NCALD: variants seen among roughly 807,000 people sequenced by gnomAD.
The protein encoded by NCALD is neurocalcin-delta.
NCALD carries 10 observed loss-of-function variants against 18.6 expected under a neutral mutation model. The ratio of observed to expected loss-of-function variants is 0.54; its 90% CI spans 0.33 to 0.91. NCALD has a LOEUF of 0.91. Ranked by LOEUF, NCALD falls within the 40% of genes least tolerant of loss-of-function variation. The probability of loss-of-function intolerance (pLI) is 0.03; values close to 1 mark genes in which losing one functional copy is unlikely to be tolerated. For synonymous variants in NCALD, 88 were observed against 87.4 expected (o/e 1.01, Z -0.04); for missense variants, 184 against 247.6 (o/e 0.74, Z 1.72).
At chr8:102,034,707 T>C (rs777704704) in intron 1 of NCALD, among the ~76,000 whole-genome samples, 2 of 152,164 alleles carry the variant, frequency 1.3e-5, no homozygotes, top group Non-Finnish European at 1.5e-5. Flanking sequence ...GTGGCAGTGA[T>C]GACATCATGG....
intron 1 of NCALD, among the ~76,000 whole-genome samples, chr8:102,106,601 C>T (rs1469006626): frequency 1.3e-5 from 2 of 152,036 alleles, no homozygotes; most frequent in Non-Finnish European, 1.5e-5. Context: ...CTGCACTGAA[C>T]CTTCAGGGCT....
chr8:101,740,597 T>C (rs1468622849), intron 1 of NCALD, among the ~76,000 whole-genome samples: 1 of 152,230 alleles, frequency 6.6e-6, no homozygotes, highest in African/African-American at 2.4e-5. Context: ...AGCTATTTAC[T>C]ATCTGGTTAC....
At chr8:101,914,993 T>C (rs1333725712) in intron 3 of NCALD, among the ~76,000 whole-genome samples, 1 of 152,262 alleles carries the variant, frequency 6.6e-6, no homozygotes, top group South Asian at 2.1e-4. Flanking sequence ...ATTCTTAATT[T>C]ATTTTAATTT....
At chr8:102,104,064 A>T (rs1825371198) in intron 1 of NCALD, among the ~76,000 whole-genome samples, 1 of 152,208 alleles carries the variant, frequency 6.6e-6, no homozygotes, top group African/African-American at 2.4e-5. Context: ...GCTACTGAAC[A>T]TCTGAGGTCG....
At chr8:101,707,467 A>G (rs928070850) in intron 2 of NCALD, among the ~76,000 whole-genome samples, 4 of 152,132 alleles carry the variant, frequency 2.6e-5, no homozygotes, top group African/African-American at 9.7e-5. Flanking sequence ...TGCTGTATAG[A>G]TATGTATGCC....
At chr8:101,988,190 GA>G (rs1220338597) in intron 2 of NCALD, among the ~76,000 whole-genome samples, 24 of 134,278 alleles carry the variant, frequency 1.8e-4, no homozygotes, top group Middle Eastern at 4.3e-3. Flanking sequence ...GAAAAGAAAA[GA>G]AAAAAAAAAG....
chr8:101,807,062 A>G lies in NCALD; in HGVS notation c.-20+80079T>C, dbSNP rs569103623. On this transcript the variant is annotated intron_variant, in intron 4 of 6. Coordinates refer to the NCALD transcript ENST00000311028. ...CAAGAAGCCTATATCCAGCAAAACTATCTTTCAAAAATGAAGGCAAAAATA... is the reference window on the plus strand; with the variant it reads ...CAAGAAGCCTATATCCAGCAAAACTGTCTTTCAAAAATGAAGGCAAAAATA... Among the ~76,000 whole-genome samples, 5 of 152,258 alleles carry G rather than the reference A, an allele frequency of 3.3e-5. No individual in the cohort carries two copies. The East Asian group carries it at 7.7e-4, about 23-fold the overall frequency.
chr8:101,702,934 T>C (rs1265026263), intron 2 of NCALD, among the ~76,000 whole-genome samples: 1 of 152,218 alleles, frequency 6.6e-6, no homozygotes, highest in Admixed American at 6.5e-5. Context: ...AACATCACAA[T>C]GCACACGAAC....
intron 1 of NCALD, among the ~76,000 whole-genome samples, chr8:101,770,819 C>T (rs1372144961): frequency 2.6e-5 from 4 of 152,146 alleles, no homozygotes; most frequent in South Asian, 2.1e-4. Flanking sequence ...CATCTTTATG[C>T]GGGTTGAAGA....
intron 1 of NCALD, among the ~76,000 whole-genome samples, chr8:101,747,767 G>A (rs1221248663): frequency 2.0e-5 from 3 of 151,270 alleles, no homozygotes; most frequent in Non-Finnish European, 4.4e-5. Context: ...GCCCAGGCTG[G>A]AGTGCAATGG....
At chr8:101,835,496 A>G (rs1814375152) in intron 4 of NCALD, among the ~76,000 whole-genome samples, 1 of 152,204 alleles carries the variant, frequency 6.6e-6, no homozygotes, top group South Asian at 2.1e-4. Flanking sequence ...CACAACCAAG[A>G]ATTCTTCAGC....
chr8:101,904,578 T>C (rs77655770), intron 3 of NCALD, among the ~76,000 whole-genome samples: 2,283 of 152,248 alleles, frequency 0.015, 45 homozygotes, highest in African/African-American at 0.051. Context: ...CCTGGGCTCC[T>C]TCCCCAAGGC....
At chr8:101,786,455 G>A (rs147597672) in intron 1 of NCALD, among the ~76,000 whole-genome samples, 3 of 152,084 alleles carry the variant, frequency 2.0e-5, no homozygotes, top group Non-Finnish European at 1.5e-5. Flanking sequence ...GGTATAGGAC[G>A]GGGAAACTTT....
chr8:101,705,067 A>C (rs903549124), intron 2 of NCALD, among the ~76,000 whole-genome samples: 7 of 151,670 alleles, frequency 4.6e-5, no homozygotes, highest in African/African-American at 1.7e-4. Flanking sequence ...TCTCAACTAA[A>C]AATACAAAAA....
chr8:101,902,241 C>T (rs59182464), intron 3 of NCALD, among the ~76,000 whole-genome samples: 8,669 of 150,660 alleles, frequency 0.058, 659 homozygotes, highest in African/African-American at 0.17. Context: ...TTCCTCTGTC[C>T]ACTCCATTCT....
intron 3 of NCALD, among the ~76,000 whole-genome samples, chr8:101,905,915 G>A (rs1817595887): frequency 6.6e-6 from 1 of 152,198 alleles, no homozygotes. Context: ...ATAAATAGAT[G>A]CTCCATAAAT....
intron 1 of NCALD, among the ~76,000 whole-genome samples, chr8:102,077,468 A>T (rs1471901641): frequency 1.3e-5 from 2 of 152,228 alleles, no homozygotes; most frequent in Admixed American, 1.3e-4. Context: ...AAAAGTTAAG[A>T]GGGAACTAAT....
intron 2 of NCALD, among the ~76,000 whole-genome samples, chr8:101,929,283 G>GGAAGGAAA (rs1818455927): frequency 2.0e-5 from 1 of 49,862 alleles, no homozygotes; most frequent in Non-Finnish European, 4.1e-5. Context: ...GAGGGAGGGA[G>GGAAGGAAA]GGAGGGAGGG....
chr8:102,090,944 T>C (rs1824904980), intron 1 of NCALD, among the ~76,000 whole-genome samples: 1 of 152,174 alleles, frequency 6.6e-6, no homozygotes, highest in African/African-American at 2.4e-5. Context: ...AGAAGCCCCT[T>C]GGGAAAACTG....
Sources: allele counts gnomAD v4.1 joint callset (sites outside exome capture counted in the v4.1 genomes callset), GRCh38; gene constraint gnomAD v4.1.1; transcripts MANE v1.5; gene names NCBI Gene and HGNC (gene_info 2026-07-23, HGNC 2026-07-21).